The following XRCC5 variants were observed in gnomAD, a reference collection of about 807,000 sequenced individuals.
XRCC5 encodes DNA repair protein Ku80.
In XRCC5, 12 loss-of-function variants were observed where a neutral mutation model predicts 95.7. The ratio of observed to expected loss-of-function variants is 0.13; its 90% CI spans 0.08 to 0.20. XRCC5 has a LOEUF of 0.20. Among genes scored for constraint, XRCC5 ranks in the 10% least tolerant of loss-of-function variants. The probability of loss-of-function intolerance (pLI) is 1.00; values close to 1 mark genes in which losing one functional copy is unlikely to be tolerated. For synonymous variants in XRCC5, 281 were observed against 290.3 expected (o/e 0.97, Z 0.33); for missense variants, 595 against 873.9 (o/e 0.68, Z 4.02).
chr2:216,147,537 T>G (rs946753703), intron 13 of XRCC5, among the ~76,000 whole-genome samples: 7 of 152,118 alleles, frequency 4.6e-5, no homozygotes, highest in African/African-American at 1.7e-4. Flanking sequence ...GATGGACTTG[T>G]GCTGAAAAGT....
chr2:216,166,202 C>G (rs1689051395), intron 16 of XRCC5, among the ~76,000 whole-genome samples: 1 of 152,090 alleles, frequency 6.6e-6, no homozygotes, highest in African/African-American at 2.4e-5. Context: ...CTCACTGCAG[C>G]CTCTACCTCC....
intron 6 of XRCC5, among the ~76,000 whole-genome samples, chr2:216,123,200 T>C (rs943765996): frequency 7.2e-5 from 11 of 152,352 alleles, no homozygotes; most frequent in Admixed American, 7.2e-4. Flanking sequence ...AGAATTTTTT[T>C]AAGTAGCTAC....
chr2:216,184,892 C>T (rs1007501403), intron 16 of XRCC5, among the ~76,000 whole-genome samples: 5 of 152,212 alleles, frequency 3.3e-5, no homozygotes, highest in African/African-American at 1.2e-4. Context: ...CTCCCTTCTT[C>T]TGTATGCCCT....
intron 14 of XRCC5, among the ~76,000 whole-genome samples, chr2:216,152,649 GT>G (rs1295350628): frequency 0.015 from 2,025 of 138,214 alleles, 53 homozygotes; most frequent in African/African-American, 0.048. Context: ...TTTTTTTCTT[GT>G]TTTTTTTTTT....
intron 1 of XRCC5, among the ~76,000 whole-genome samples, chr2:216,112,419 A>C (rs1696604828): frequency 6.6e-6 from 1 of 152,216 alleles, no homozygotes; most frequent in South Asian, 2.1e-4. Context: ...TCTATCATGG[A>C]ACATTGTTCT....
At position 216,130,964 on chromosome 2, in the gene XRCC5, T is replaced by C. The variant is rs774098631; in HGVS notation, c.1027T>C (p.Leu343=). ...ATCGGAGGGGAAGTGCTTCTCTGTT[T>C]TGGGATTTTGTAAATCTTCTCAGGT... ...YKSEGKCFSV[L]GFCKSSQVQR... is the part of the protein sequence containing the mutation. The change falls in exon 9 of 21, where the codon TTG becomes CTG. Residue 343 remains leucine (L), a synonymous_variant. Coordinates refer to ENST00000392132, the MANE Select transcript of XRCC5 (RefSeq NM_021141.4). 1.9e-6 allele frequency: 3 copies of C among 1,613,192 alleles called. No individual in the cohort carries two copies. The highest frequency in any genetic ancestry group is 8.5e-7 in the Non-Finnish European group (1 of 1,179,620).
In XRCC5 at chr2:216,196,366, G is replaced by C. The variant is rs73988311; in HGVS notation, c.2109+1380G>C. ...CCACAGGCAATACTGAGCACCATAG[G>C]CTTGAGTATGCCATTTAACTGTTTG... On this transcript the variant is annotated intron_variant, in intron 19 of 20. Transcript: ENST00000392132. 5.3e-3 allele frequency among the ~76,000 whole-genome samples: 814 copies of C among 152,252 alleles called. 9 individuals carry two copies. Among genetic ancestry groups the C allele is most frequent in the African/African-American group, 0.019 (776 of 41,548 alleles).
chr2:216,201,847 G>A (rs777682733), intron 19 of XRCC5, among the ~76,000 whole-genome samples: 47 of 152,176 alleles, frequency 3.1e-4, no homozygotes, highest in Non-Finnish European at 5.9e-4. Flanking sequence ...CATTAATGAT[G>A]AGGAGTGATA....
intron 16 of XRCC5, among the ~76,000 whole-genome samples, chr2:216,182,150 A>AATGG (rs1290030018): frequency 1.3e-5 from 2 of 152,150 alleles, no homozygotes; most frequent in Non-Finnish European, 2.9e-5. Flanking sequence ...CACATTCAAC[A>AATGG]ATGGCTGCCT....
In XRCC5 at chr2:216,119,106, A is replaced by G. The variant is rs1213357250; in HGVS notation, c.432A>G (p.Lys144=). The G allele has an allele frequency of 1.2e-6, 2 of 1,614,118 alleles. No individual in the cohort carries two copies. Among genetic ancestry groups the G allele is most frequent in the Non-Finnish European group, 8.5e-7 (1 of 1,179,980 alleles). The change falls in exon 5 of 21, where the codon AAA becomes AAG. Residue 144 remains lysine (K), a synonymous_variant. Coordinates refer to ENST00000392132, the MANE Select transcript of XRCC5 (RefSeq NM_021141.4). ...CTGACCTCAGCAGCCGATTCAGCAA[A>G]AGTCAGCTGGATATTATAATTCATA... The part of the protein sequence containing the change: ...IFTDLSSRFS[K]SQLDIIIHSL...
intron 16 of XRCC5, chr2:216,175,534 C>T: frequency 2.3e-6 from 1 of 429,472 alleles, no homozygotes; most frequent in Non-Finnish European, 4.5e-6. Flanking sequence ...GTTAAAAGTG[C>T]ACATTCTCTC....
chr2:216,184,530 G>A (rs928285290), intron 16 of XRCC5, among the ~76,000 whole-genome samples: 45 of 152,292 alleles, frequency 3.0e-4, no homozygotes, highest in African/African-American at 1.0e-3. Flanking sequence ...AGGCTGGAGT[G>A]CAGTGGTGAG....
intron 10 of XRCC5, among the ~76,000 whole-genome samples, chr2:216,136,572 G>A (rs1193200764): frequency 6.6e-6 from 1 of 152,144 alleles, no homozygotes; most frequent in Non-Finnish European, 1.5e-5. Flanking sequence ...GTGGAATGGT[G>A]AGATGCTACT....
chr2:216,134,688 G>A lies in XRCC5; in HGVS notation c.1113+2301G>A, dbSNP rs186248464. Among the ~76,000 whole-genome samples, 104 of 141,218 alleles carry A rather than the reference G, an allele frequency of 7.4e-4. 1 individual carries two copies. The highest frequency in any genetic ancestry group is 2.4e-3 in the African/African-American group (91 of 38,704). 92.6% of individuals were successfully genotyped at this position (141,218 alleles called of 152,430 possible). On this transcript the variant is annotated intron_variant, in intron 10 of 20. Transcript: ENST00000392132. ...AGGTGATCCACCCCCCCCCCTCCTC[G>A]GCCTCCCAAAGTGTTGGGATTACAG...
chr2:216,170,070 A>T (rs1014503360), intron 16 of XRCC5, among the ~76,000 whole-genome samples: 1 of 131,496 alleles, frequency 7.6e-6, no homozygotes, highest in Non-Finnish European at 1.6e-5. Context: ...AAAAAAAAAA[A>T]GATGCACTTG....
Position 216,125,795 on chromosome 2 carries a change from T to C in XRCC5, c.684-122T>C, listed in dbSNP as rs1254859954. 3 of 747,284 alleles carry C rather than the reference T, an allele frequency of 4.0e-6. No homozygotes were observed. The African/African-American group carries it at 5.3e-5, about 13-fold the overall frequency. 46.3% of individuals were successfully genotyped at this position (747,284 alleles called of 1,614,324 possible). A position where few individuals can be genotyped will look rare whatever the true frequency, so the allele number is the denominator to read the frequency against. ...TGGTTGTTGTTTTCCGGCCATCTCC[T>C]GCTGTTTCTCTCTTTATAATTAACA... On this transcript the variant is annotated intron_variant, in intron 6 of 20. Coordinates refer to ENST00000392132, the MANE Select transcript of XRCC5 (RefSeq NM_021141.4).
chr2:216,162,729 C>T (rs915996668), intron 16 of XRCC5, among the ~76,000 whole-genome samples: 3 of 152,124 alleles, frequency 2.0e-5, no homozygotes. Flanking sequence ...ATTCTTGTTC[C>T]AGTCCTAAGA....
At chr2:216,137,329 A>G in intron 11 of XRCC5, 104 bp downstream of exon 11, 1 of 1,315,406 alleles carries the variant, frequency 7.6e-7, no homozygotes, top group Non-Finnish European at 1.0e-6. Flanking sequence ...GGATCTTGTT[A>G]AAATGCAGAT....
At chr2:216,198,514 T>A (rs1689773198) in intron 19 of XRCC5, among the ~76,000 whole-genome samples, 1 of 151,902 alleles carries the variant, frequency 6.6e-6, no homozygotes, top group Non-Finnish European at 1.5e-5. Context: ...GAAAACTTGA[T>A]CCTTTGTATG....
Sources: allele counts gnomAD v4.1 joint callset (sites outside exome capture counted in the v4.1 genomes callset), GRCh38; gene constraint gnomAD v4.1.1; transcripts MANE v1.5; gene names NCBI Gene and HGNC (gene_info 2026-07-23, HGNC 2026-07-21).